The following DCT variants were observed in gnomAD, a reference collection of about 807,000 sequenced individuals.
The protein encoded by DCT is dopachrome tautomerase, also known as L-dopachrome tautomerase.
Under a neutral mutation model 53.0 loss-of-function variants are expected in DCT, and 47 were observed. The ratio of observed to expected loss-of-function variants is 0.89; its 90% CI spans 0.70 to 1.13. The LOEUF (loss-of-function observed/expected upper bound fraction) is 1.13, where lower values mean the gene tolerates loss of function less well. Among genes scored for constraint, DCT ranks in the 50% most tolerant of loss-of-function variants. The pLI is 0.00. For synonymous variants in DCT, 244 were observed against 237.0 expected (o/e 1.03, Z -0.27); for missense variants, 669 against 637.4 (o/e 1.05, Z -0.53).
chr13:94,540,642 A>G, the DCT span, among the ~76,000 whole-genome samples: 1 of 152,202 alleles, frequency 6.6e-6, no homozygotes, highest in Non-Finnish European at 1.5e-5. Flanking sequence ...GTTTTATCGA[A>G]AAGACAGATG....
the DCT span, among the ~76,000 whole-genome samples, chr13:94,529,258 A>G: frequency 1.3e-5 from 2 of 152,222 alleles, no homozygotes; most frequent in Non-Finnish European, 2.9e-5. Context: ...AAGGATATCC[A>G]GGAATTGAAC....
chr13:94,473,653 A>G (rs1435490750), intron 1 of DCT, among the ~76,000 whole-genome samples: 1 of 152,212 alleles, frequency 6.6e-6, no homozygotes, highest in East Asian at 1.9e-4. Context: ...GATTCAGAAA[A>G]TCAGAGATGC....
At chr13:94,487,788 G>A in the DCT span, among the ~76,000 whole-genome samples, 1 of 152,040 alleles carries the variant, frequency 6.6e-6, no homozygotes, top group South Asian at 2.1e-4. Flanking sequence ...ATGGGGAAAA[G>A]AGATTATTTT....
chr13:94,468,991 T>A lies in DCT; in HGVS notation c.350A>T (p.Asn117Ile), dbSNP rs542143928. Residue 117 changes from asparagine (N) to isoleucine (I), a missense_variant, in exon 2 of 8, where the codon AAC becomes ATC. Asn to Ile is a moderately radical substitution (Grantham distance 149). Coordinates refer to ENST00000377028, the MANE Select transcript of DCT (RefSeq NM_001922.5). ...GDCKFGWTGPNCERKKPPVIR... is the reference protein window; with the variant it reads ...GDCKFGWTGPICERKKPPVIR... ...CACTGGTGGTTTCTTCCGCTCGCAG[T>A]TGGGACCGGTCCAGCCAAACTTGCA... 6.2e-7 allele frequency: 1 copy of A among 1,614,162 alleles called. No individual in the cohort carries two copies. The highest frequency in any genetic ancestry group is 1.1e-5 in the South Asian group (1 of 91,080).
In DCT at chr13:94,466,554, C is replaced by G; in HGVS notation, c.696+4G>C. 1.3e-6 allele frequency: 2 copies of G among 1,589,124 alleles called. No individual in the cohort carries two copies. Among genetic ancestry groups the G allele is most frequent in the Non-Finnish European group, 1.7e-6 (2 of 1,167,064 alleles). Reference sequence around the variant, plus strand: ...AAAGAACTAAATGCATAGTTTTGACCTACCTGGAGATCTCTTTCCAGACAC... The same window carrying G: ...AAAGAACTAAATGCATAGTTTTGACGTACCTGGAGATCTCTTTCCAGACAC... On this transcript the variant is annotated splice_donor_region_variant and intron_variant, in intron 3 of 7. Transcript: ENST00000377028.
At chr13:94,482,523 C>G (rs1025206446), upstream of DCT, among the ~76,000 whole-genome samples, 5 of 152,162 alleles carry the variant, frequency 3.3e-5, no homozygotes, top group Non-Finnish European at 5.9e-5. Flanking sequence ...CTTCATAGCA[C>G]TTATCACCAT....
chr13:94,535,021 G>A, the DCT span, among the ~76,000 whole-genome samples: 1 of 152,218 alleles, frequency 6.6e-6, no homozygotes, highest in Non-Finnish European at 1.5e-5. Flanking sequence ...GGGATTACAG[G>A]CAAGTGCCAC....
At chr13:94,546,572 T>C in the DCT span, among the ~76,000 whole-genome samples, 2 of 152,054 alleles carry the variant, frequency 1.3e-5, no homozygotes, top group Non-Finnish European at 2.9e-5. This position sits in a 1 kb window ranked among gnomAD's most constrained non-coding sequence, Gnocchi z 4.2. Context: ...CCTGTTACAG[T>C]AGGGAGCTAG....
chr13:94,480,008 T>C (rs1332636627), upstream of DCT, among the ~76,000 whole-genome samples: 2 of 152,192 alleles, frequency 1.3e-5, no homozygotes, highest in Admixed American at 1.3e-4. Flanking sequence ...AATGCACTCA[T>C]GGCTGCTTTC....
upstream of DCT, among the ~76,000 whole-genome samples, chr13:94,483,104 T>C (rs1484350369): frequency 6.6e-6 from 1 of 151,520 alleles, no homozygotes; most frequent in Admixed American, 6.6e-5. Context: ...TGAAACCCCA[T>C]CTCTACTAAA....
At chr13:94,505,538 G>A in the DCT span, among the ~76,000 whole-genome samples, 19 of 152,164 alleles carry the variant, frequency 1.2e-4, no homozygotes, top group African/African-American at 3.9e-4. Flanking sequence ...AAGCCATCTG[G>A]TCATCTGTTA....
the DCT span, among the ~76,000 whole-genome samples, chr13:94,498,980 A>T: frequency 1.3e-5 from 2 of 152,200 alleles, no homozygotes; most frequent in African/African-American, 4.8e-5. Context: ...AGCACTCTGT[A>T]AAATGGACCA....
chr13:94,533,939 G>C, the DCT span, among the ~76,000 whole-genome samples: 1 of 152,058 alleles, frequency 6.6e-6, no homozygotes, highest in Admixed American at 6.6e-5. Context: ...ACATGTAACT[G>C]TTCATTCCTT....
the DCT span, among the ~76,000 whole-genome samples, chr13:94,542,420 A>G: frequency 6.6e-6 from 1 of 151,994 alleles, no homozygotes; most frequent in Non-Finnish European, 1.5e-5. Context: ...CAAAGTCCTG[A>G]CCTCAAGTGA....
chr13:94,505,833 T>C, the DCT span, among the ~76,000 whole-genome samples: 1 of 152,194 alleles, frequency 6.6e-6, no homozygotes, highest in African/African-American at 2.4e-5. Flanking sequence ...AGAGCAGTCT[T>C]CAACCAACAG....
At chr13:94,484,007 AG>A (rs1885558997), upstream of DCT, among the ~76,000 whole-genome samples, 1 of 152,208 alleles carries the variant, frequency 6.6e-6, no homozygotes, top group African/African-American at 2.4e-5. Context: ...ACATCCACTC[AG>A]GCTAACTCAC....
rs905056582 is a variant in DCT, at chr13:94,439,709, G to C, written c.*189C>G. ...GAGGTAGCCTCAAGCACTTTAGTTGGGTTTGTTAAACAAGCAAGCAAAGCG... is the reference window on the plus strand; with the variant it reads ...GAGGTAGCCTCAAGCACTTTAGTTGCGTTTGTTAAACAAGCAAGCAAAGCG... On this transcript the variant is annotated 3_prime_UTR_variant, in exon 8 of 8. Coordinates refer to ENST00000377028, the MANE Select transcript of DCT (RefSeq NM_001922.5). The C allele has an allele frequency of 2.3e-6, 1 of 439,494 alleles. No individual in the cohort carries two copies. The highest frequency in any genetic ancestry group is 4.0e-6 in the Non-Finnish European group (1 of 250,648). 27.2% of individuals were successfully genotyped at this position (439,494 alleles called of 1,614,324 possible). A position where few individuals can be genotyped will look rare whatever the true frequency, so the allele number is the denominator to read the frequency against.
the DCT span, among the ~76,000 whole-genome samples, chr13:94,546,127 G>A: frequency 2.6e-5 from 4 of 152,082 alleles, no homozygotes; most frequent in African/African-American, 9.7e-5. This position sits in a 1 kb window ranked among gnomAD's most constrained non-coding sequence, Gnocchi z 4.2. Context: ...CTTTGAGATG[G>A]CTGTGTATCT....
Position 94,438,688 on chromosome 13 carries a change from A to G in DCT, c.*1210T>C, listed in dbSNP as rs927287343. On this transcript the variant is annotated 3_prime_UTR_variant, in exon 8 of 8. Transcript: ENST00000377028. The stretch of plus-strand genomic sequence containing the variant: ...CTTCTCTGAAGTGGGGTCCATCATG[A>G]TAAGTCTGAACATCGTAGTAAAGAT... 1.3e-4 allele frequency: 58 copies of G among 455,724 alleles called. No homozygotes were observed. Among genetic ancestry groups the G allele is most frequent in the Admixed American group, 1.9e-4 (8 of 42,550 alleles). The allele number at this position is 455,724 out of a possible 1,614,324, so 28.2% of individuals were successfully genotyped here.
Sources: allele counts gnomAD v4.1 joint callset (sites outside exome capture counted in the v4.1 genomes callset), GRCh38; gene constraint gnomAD v4.1.1; non-coding constraint Gnocchi (gnomAD v3.1); transcripts MANE v1.5; gene names NCBI Gene and HGNC (gene_info 2026-07-23, HGNC 2026-07-21).